THEMIS: variants seen among roughly 807,000 people sequenced by gnomAD.
THEMIS encodes the protein thymocyte selection associated, also known as protein THEMIS.
THEMIS carries 37 observed loss-of-function variants against 52.6 expected under a neutral mutation model. That is an observed-to-expected ratio of 0.70 (90% CI 0.54 to 0.93). The LOEUF (loss-of-function observed/expected upper bound fraction) is 0.93, where lower values mean the gene tolerates loss of function less well. Ranked by LOEUF, THEMIS falls within the 40% of genes least tolerant of loss-of-function variation. The pLI, the probability that THEMIS is intolerant of heterozygous loss-of-function variation, is 0.00. For missense variants in THEMIS, 808 were observed against 763.1 expected, an observed-to-expected ratio of 1.06 and a Z score of -0.69; for synonymous variants, 292 against 272.7, an observed-to-expected ratio of 1.07 and a Z score of -0.70.
intron 4 of THEMIS, among the ~76,000 whole-genome samples, chr6:127,763,543 T>C (rs1202622318): frequency 6.6e-6 from 1 of 151,994 alleles, no homozygotes; most frequent in Non-Finnish European, 1.5e-5. Context: ...TTGTCCTAGC[T>C]TTTCTACTCT....
chr6:127,808,727 C>A (rs74597072), intron 4 of THEMIS, among the ~76,000 whole-genome samples: 2,577 of 152,264 alleles, frequency 0.017, 78 homozygotes, highest in African/African-American at 0.059. Context: ...CCTGCCCAAA[C>A]TGAAATTATA....
intron 1 of THEMIS, among the ~76,000 whole-genome samples, chr6:127,880,941 C>A (rs1465513302): frequency 6.6e-6 from 1 of 151,986 alleles, no homozygotes; most frequent in African/African-American, 2.4e-5. Flanking sequence ...TTGTTAAAAT[C>A]TTAGTTTTAA....
chr6:127,883,133 T>C (rs1355391777), intron 1 of THEMIS, among the ~76,000 whole-genome samples: 1 of 152,032 alleles, frequency 6.6e-6, no homozygotes, highest in Non-Finnish European at 1.5e-5. Flanking sequence ...GCATGTTTAC[T>C]TCAACAACTA....
chr6:127,855,416 G>A (rs1478730894), intron 1 of THEMIS, among the ~76,000 whole-genome samples: 3 of 151,768 alleles, frequency 2.0e-5, no homozygotes, highest in African/African-American at 7.3e-5. Flanking sequence ...TGTTATTTTT[G>A]TAAATTGAAT....
chr6:127,805,786 A>G (rs550171275), intron 4 of THEMIS, among the ~76,000 whole-genome samples: 24 of 152,218 alleles, frequency 1.6e-4, no homozygotes, highest in African/African-American at 5.5e-4. Flanking sequence ...TTGTAGCAAA[A>G]CTTATTTGCT....
intron 5 of THEMIS, among the ~76,000 whole-genome samples, chr6:127,716,172 A>G (rs2114471676): frequency 6.6e-6 from 1 of 152,032 alleles, no homozygotes; most frequent in South Asian, 2.1e-4. Flanking sequence ...TTATTAGAAA[A>G]CATTTATGTT....
chr6:127,701,618 C>G, the THEMIS span, among the ~76,000 whole-genome samples: 20 of 152,250 alleles, frequency 1.3e-4, no homozygotes, highest in African/African-American at 4.3e-4. Flanking sequence ...CAGTGCCAAA[C>G]AGTTTTCCAA....
At chr6:127,756,210 G>A (rs59993660) in intron 4 of THEMIS, among the ~76,000 whole-genome samples, 10,579 of 152,080 alleles carry the variant, frequency 0.07, 373 homozygotes, top group Non-Finnish European at 0.086. Flanking sequence ...AGGTAAAAAC[G>A]GTAGAACACA....
At chr6:127,872,811 TA>T (rs1303269382) in intron 1 of THEMIS, among the ~76,000 whole-genome samples, 1 of 151,894 alleles carries the variant, frequency 6.6e-6, no homozygotes, top group Non-Finnish European at 1.5e-5. Flanking sequence ...GAAAATAAAA[TA>T]AAAATCATAC....
intron 1 of THEMIS, among the ~76,000 whole-genome samples, chr6:127,883,949 C>T (rs185980188): frequency 1.8e-3 from 270 of 151,994 alleles, no homozygotes; most frequent in African/African-American, 6.0e-3. Context: ...GCTTACACAC[C>T]CAAATTTATA....
At chr6:127,748,814 A>G (rs1775537872) in intron 4 of THEMIS, among the ~76,000 whole-genome samples, 1 of 152,076 alleles carries the variant, frequency 6.6e-6, no homozygotes, top group Non-Finnish European at 1.5e-5. Context: ...CTATAATAAT[A>G]TAATTATATA....
At chr6:127,784,950 A>ACTAT (rs59805084) in intron 4 of THEMIS, among the ~76,000 whole-genome samples, 1,647 of 145,474 alleles carry the variant, frequency 0.011, 9 homozygotes, top group East Asian at 0.033. Context: ...AGGCAGTCAC[A>ACTAT]CTATCTATCT....
intron 4 of THEMIS, among the ~76,000 whole-genome samples, chr6:127,738,172 C>T (rs2114260450): frequency 6.6e-6 from 1 of 152,130 alleles, no homozygotes; most frequent in African/African-American, 2.4e-5. Context: ...GGGTATAAGC[C>T]ATTTTAATAT....
intron 2 of THEMIS, among the ~76,000 whole-genome samples, chr6:127,830,310 T>C (rs1778658271): frequency 6.6e-6 from 1 of 152,204 alleles, no homozygotes; most frequent in African/African-American, 2.4e-5. Context: ...AATGAGAAGA[T>C]TGGATTTGGT....
chr6:127,731,893 A>T, intron 4 of THEMIS, among the ~76,000 whole-genome samples: 1 of 13,212 alleles, frequency 7.6e-5, no homozygotes, highest in Admixed American at 1.1e-3. Flanking sequence ...TTTTTAGTAG[A>T]GATGGGGTTT....
intron 5 of THEMIS, among the ~76,000 whole-genome samples, chr6:127,712,409 T>C (rs533861090): frequency 2.6e-5 from 4 of 152,056 alleles, no homozygotes; most frequent in African/African-American, 9.6e-5. Context: ...AGAAACTGTG[T>C]TTCTTGCATA....
intron 1 of THEMIS, among the ~76,000 whole-genome samples, chr6:127,861,818 A>C (rs970454040): frequency 3.3e-5 from 5 of 151,154 alleles, no homozygotes; most frequent in Non-Finnish European, 7.4e-5. Flanking sequence ...AAAGAAAGAA[A>C]AGAAAAAAAA....
intron 4 of THEMIS, among the ~76,000 whole-genome samples, chr6:127,752,695 A>T (rs1470523070): frequency 1.3e-5 from 2 of 151,758 alleles, no homozygotes; most frequent in East Asian, 3.8e-4. Flanking sequence ...AAACCTCTCA[A>T]CAAAGAAATG....
intron 4 of THEMIS, among the ~76,000 whole-genome samples, chr6:127,751,670 C>A (rs371903106): frequency 6.6e-6 from 1 of 151,398 alleles, no homozygotes; most frequent in Admixed American, 6.6e-5. Context: ...CATCTGAGCA[C>A]CTAACTATAT....
Sources: allele counts gnomAD v4.1 joint callset (sites outside exome capture counted in the v4.1 genomes callset), GRCh38; gene constraint gnomAD v4.1.1; transcripts MANE v1.5; gene names NCBI Gene and HGNC (gene_info 2026-07-23, HGNC 2026-07-21).